Variants in ANKS1B observed in about 807,000 individuals in gnomAD.
The protein encoded by ANKS1B is ankyrin repeat and sterile alpha motif domain containing 1B.
Under a neutral mutation model 148.3 loss-of-function variants are expected in ANKS1B, and 36 were observed. The observed-to-expected ratio is 0.24, with a 90% CI of 0.19 to 0.32. The LOEUF is 0.32. ANKS1B is among the 10% of genes least tolerant of loss of function. The pLI, the probability that ANKS1B is intolerant of heterozygous loss-of-function variation, is 1.00. For missense variants in ANKS1B, 1,157 were observed against 1,542.6 expected (o/e 0.75, Z 4.19); for synonymous variants, 542 against 560.8 (o/e 0.97, Z 0.47).
intron 17 of ANKS1B, among the ~76,000 whole-genome samples, chr12:99,031,135 G>C (rs778602137): frequency 2.0e-4 from 30 of 152,078 alleles, no homozygotes; most frequent in Non-Finnish European, 4.3e-4. Flanking sequence ...TCTCTACATG[G>C]ATACACGATT....
At chr12:98,768,549 A>G (rs918987778) in intron 25 of ANKS1B, among the ~76,000 whole-genome samples, 4 of 151,478 alleles carry the variant, frequency 2.6e-5, no homozygotes, top group African/African-American at 9.7e-5. Context: ...CTTGGCTAAC[A>G]TGGTGAAACC....
chr12:99,696,184 C>A (rs545987907), intron 8 of ANKS1B, among the ~76,000 whole-genome samples: 1 of 152,008 alleles, frequency 6.6e-6, no homozygotes, highest in African/African-American at 2.4e-5. Context: ...ATATATGGTT[C>A]GTTGTTCATC....
rs761350003 is a variant in ANKS1B at position 98,751,378 on chromosome 12, G to A, written c.3724C>T (p.Arg1242Cys). The change falls in exon 26 of 27, where the codon CGC becomes TGC. Residue 1242 changes from arginine to cysteine, a missense_variant. Coordinates refer to ENST00000683438, the MANE Select transcript of ANKS1B (RefSeq NM_001352186.2). This position sits in a 1 kb window ranked among gnomAD's most constrained non-coding sequence, Gnocchi z 4.3. ...ACCACGGACTTGCGAATGCTAACGC[G>A]GGGCTTGGGGATGGGTTTGGAGGGT... ...NKPSKPIPKPRVSIRKSVQID... is the reference protein window; with the variant it reads ...NKPSKPIPKPCVSIRKSVQID... 6 of 1,613,840 alleles carry A rather than the reference G, an allele frequency of 3.7e-6. No individual in the cohort carries two copies. Among genetic ancestry groups the A allele is most frequent in the Non-Finnish European group, 3.4e-6 (4 of 1,179,782 alleles).
intron 10 of ANKS1B, among the ~76,000 whole-genome samples, chr12:99,459,122 A>G (rs1217943832): frequency 1.3e-5 from 2 of 152,148 alleles, no homozygotes; most frequent in Non-Finnish European, 2.9e-5. Flanking sequence ...CAAATCAATA[A>G]ATGTGATACA....
chr12:98,916,933 A>C (rs1385295769), intron 17 of ANKS1B, among the ~76,000 whole-genome samples: 1 of 152,096 alleles, frequency 6.6e-6, no homozygotes, highest in Non-Finnish European at 1.5e-5. Flanking sequence ...TAATTTACTT[A>C]ACCCTTATAG....
At chr12:99,765,101 G>T (rs2153612461) in intron 8 of ANKS1B, among the ~76,000 whole-genome samples, 1 of 152,282 alleles carries the variant, frequency 6.6e-6, no homozygotes, top group East Asian at 1.9e-4. Flanking sequence ...AAGACAGAAT[G>T]ATCTACTTGT....
intron 10 of ANKS1B, among the ~76,000 whole-genome samples, chr12:99,452,038 C>T (rs552897100): frequency 3.5e-4 from 53 of 152,164 alleles, no homozygotes; most frequent in African/African-American, 1.2e-3. Flanking sequence ...ACAATTTTTA[C>T]GTTTTGGTAT....
At position 99,806,277 on chromosome 12, in the gene ANKS1B, T is replaced by A. The variant is rs1223038527; in HGVS notation, c.669+127A>T. 2.1e-5 allele frequency: 25 copies of A among 1,163,606 alleles called. No individual in the cohort carries two copies. In the South Asian group the frequency reaches 3.2e-4, roughly 15 times the overall value. 72.1% of individuals were successfully genotyped at this position (1,163,606 alleles called of 1,614,324 possible). A position where few individuals can be genotyped will look rare whatever the true frequency, so the allele number is the denominator to read the frequency against. ...AAGTAGGTGGCATAGTACCTTGAAC[T>A]CAGTAGTTACAAAAGTACTTGTGAA... On this transcript the variant is annotated intron_variant, in intron 4 of 26. Coordinates refer to ENST00000683438, the MANE Select transcript of ANKS1B (RefSeq NM_001352186.2).
At chr12:99,789,006 G>C (rs1209770810) in intron 4 of ANKS1B, among the ~76,000 whole-genome samples, 1 of 152,136 alleles carries the variant, frequency 6.6e-6, no homozygotes, top group Admixed American at 6.6e-5. Context: ...CTTCCAGACA[G>C]CTACTCTGGA....
Position 99,825,299 on chromosome 12 carries a change from T to G in ANKS1B, c.215+10A>C, listed in dbSNP as rs1226338198. On this transcript the variant is annotated intron_variant, in intron 2 of 26. Coordinates refer to ENST00000683438, the MANE Select transcript of ANKS1B (RefSeq NM_001352186.2). ...ATACACACGATTCCGTCCAAATAAG[T>G]GGCACTTACTTATGTCCATTTAAGG... 1 of 1,608,486 alleles carries G rather than the reference T, an allele frequency of 6.2e-7. No individual in the cohort carries two copies. Among genetic ancestry groups the G allele is most frequent in the Admixed American group, 1.7e-5 (1 of 59,676 alleles).
Position 99,882,621 on chromosome 12 carries a change from A to G in ANKS1B, c.135-57232T>C, listed in dbSNP as rs546763570. Among the ~76,000 whole-genome samples the G allele has an allele frequency of 5.2e-4, 79 of 152,308 alleles. 1 individual carries two copies. The South Asian group carries it at 0.01, about 20-fold the overall frequency. On this transcript the variant is annotated intron_variant, in intron 1 of 26. Coordinates refer to ENST00000683438, the MANE Select transcript of ANKS1B (RefSeq NM_001352186.2). ...GGAAACAAAGGCATAAGAGTGATAT[A>G]ATGGACTATAGAGACTTGCGGGAAA...
intron 9 of ANKS1B, among the ~76,000 whole-genome samples, chr12:99,539,277 C>T (rs1211437529): frequency 6.6e-6 from 1 of 152,004 alleles, no homozygotes; most frequent in Non-Finnish European, 1.5e-5. Context: ...AAATCAACTG[C>T]ATAAAGCAAT....
At chr12:98,964,888 G>C (rs1483602306) in intron 17 of ANKS1B, among the ~76,000 whole-genome samples, 1 of 152,150 alleles carries the variant, frequency 6.6e-6, no homozygotes, top group Admixed American at 6.5e-5. Flanking sequence ...TAGATATTTA[G>C]AATTAATAAG....
chr12:99,354,255 G>T (rs2091754549), intron 12 of ANKS1B, among the ~76,000 whole-genome samples: 2 of 152,172 alleles, frequency 1.3e-5, no homozygotes, highest in South Asian at 4.1e-4. Flanking sequence ...ATGGGGTAGT[G>T]TGGCAAGTCT....
intron 1 of ANKS1B, among the ~76,000 whole-genome samples, chr12:99,981,576 G>A (rs1255756194): frequency 6.6e-6 from 1 of 151,990 alleles, no homozygotes; most frequent in Non-Finnish European, 1.5e-5. Flanking sequence ...TTAAACTTTT[G>A]TGAATAAAAC....
chr12:99,069,518 A>G (rs895714064), intron 16 of ANKS1B, among the ~76,000 whole-genome samples: 5 of 152,238 alleles, frequency 3.3e-5, no homozygotes, highest in Non-Finnish European at 7.3e-5. Context: ...AACTAATATA[A>G]TGCATTGAAG....
intron 17 of ANKS1B, among the ~76,000 whole-genome samples, chr12:98,877,197 G>A (rs2099693439): frequency 6.6e-6 from 1 of 152,162 alleles, no homozygotes; most frequent in South Asian, 2.1e-4. Context: ...GACTAAAGAG[G>A]TAATGCAAAG....
intron 8 of ANKS1B, among the ~76,000 whole-genome samples, chr12:99,660,492 T>C (rs531069992): frequency 7.9e-5 from 12 of 151,692 alleles, no homozygotes; most frequent in Admixed American, 1.3e-4. Context: ...GCCTCCCAAG[T>C]AGCTGGGATT....
At chr12:99,834,733 T>C (rs2084556627) in intron 1 of ANKS1B, among the ~76,000 whole-genome samples, 4 of 152,180 alleles carry the variant, frequency 2.6e-5, no homozygotes, top group Admixed American at 2.6e-4. Flanking sequence ...TCCATCAGTC[T>C]ATGGGGAAAA....
Sources: allele counts gnomAD v4.1 joint callset (sites outside exome capture counted in the v4.1 genomes callset), GRCh38; gene constraint gnomAD v4.1.1; non-coding constraint Gnocchi (gnomAD v3.1); transcripts MANE v1.5; gene names NCBI Gene and HGNC (gene_info 2026-07-23, HGNC 2026-07-21).